Variants in LINGO1 observed in about 807,000 individuals in gnomAD.
The protein encoded by LINGO1 is leucine rich repeat and Ig domain containing 1.
LINGO1 carries 11 observed loss-of-function variants against 37.3 expected under a neutral mutation model. That is an observed-to-expected ratio of 0.29 (90% CI 0.19 to 0.49). LINGO1 has a LOEUF of 0.49. Among genes scored for constraint, LINGO1 ranks in the 20% least tolerant of loss-of-function variants. The probability of loss-of-function intolerance (pLI) is 0.99; values close to 1 mark genes in which losing one functional copy is unlikely to be tolerated. For missense variants in LINGO1, 585 were observed against 878.2 expected (o/e 0.67, Z 4.22); for synonymous variants, 387 against 403.0 (o/e 0.96, Z 0.48).
intron 1 of LINGO1, among the ~76,000 whole-genome samples, chr15:77,760,404 A>C (rs749325888): frequency 6.6e-6 from 1 of 152,214 alleles, no homozygotes; most frequent in Non-Finnish European, 1.5e-5. Context: ...TGAGCAGCAG[A>C]ATGTTTTGTT....
chr15:77,715,006 G>A (rs924462610), intron 2 of LINGO1, among the ~76,000 whole-genome samples: 1 of 152,190 alleles, frequency 6.6e-6, no homozygotes, highest in African/African-American at 2.4e-5. Context: ...AATACTCCAG[G>A]GCTGAGTGCT....
intron 1 of LINGO1, among the ~76,000 whole-genome samples, chr15:77,693,791 A>G (rs2075645019): frequency 6.6e-6 from 1 of 152,058 alleles, no homozygotes; most frequent in Non-Finnish European, 1.5e-5. Flanking sequence ...GCTGGATGTG[A>G]GGGGGTGGAG....
At chr15:77,740,051 T>TA (rs2076244978) in intron 1 of LINGO1, among the ~76,000 whole-genome samples, 1 of 152,246 alleles carries the variant, frequency 6.6e-6, no homozygotes, top group African/African-American at 2.4e-5. Context: ...TCAGTGGCTG[T>TA]AAAGCCTGGT....
intron 3 of LINGO1, among the ~76,000 whole-genome samples, chr15:77,666,514 C>T (rs555694973): frequency 2.6e-5 from 4 of 152,144 alleles, no homozygotes; most frequent in Non-Finnish European, 5.9e-5. Flanking sequence ...GGGGAGCACA[C>T]AGGGGAAGAG....
chr15:77,759,827 C>T (rs919403580), intron 1 of LINGO1, among the ~76,000 whole-genome samples: 1 of 152,196 alleles, frequency 6.6e-6, no homozygotes, highest in Non-Finnish European at 1.5e-5. Context: ...ATAAAAGAGT[C>T]CCTGTGTTAT....
At chr15:77,752,987 G>C (rs1181472664) in intron 1 of LINGO1, among the ~76,000 whole-genome samples, 1 of 152,156 alleles carries the variant, frequency 6.6e-6, no homozygotes, top group Non-Finnish European at 1.5e-5. Flanking sequence ...CATCCTACAG[G>C]GACCTGCTCT....
At chr15:77,644,635 G>T (rs1398968280) in intron 3 of LINGO1, among the ~76,000 whole-genome samples, 2 of 152,212 alleles carry the variant, frequency 1.3e-5, no homozygotes, top group Non-Finnish European at 2.9e-5. Context: ...AAGCCCAGGG[G>T]CAGGCTGAGC....
chr15:77,738,806 AGG>A (rs1364223949), intron 1 of LINGO1, among the ~76,000 whole-genome samples: 1 of 151,988 alleles, frequency 6.6e-6, no homozygotes, highest in Non-Finnish European at 1.5e-5. Flanking sequence ...GAAGGAAGGA[AGG>A]AAGGAAAGAA....
At chr15:77,779,220 AAC>A (rs1414431331) in intron 1 of LINGO1, among the ~76,000 whole-genome samples, 1 of 151,902 alleles carries the variant, frequency 6.6e-6, no homozygotes, top group Non-Finnish European at 1.5e-5. Context: ...ATCACTACCT[AAC>A]ACAGTACATA....
At chr15:77,803,614 G>C (rs574963017) in intron 1 of LINGO1, among the ~76,000 whole-genome samples, 2 of 152,090 alleles carry the variant, frequency 1.3e-5, no homozygotes, top group African/African-American at 4.8e-5. Context: ...GGGTCATGGG[G>C]GTGGATCCCT....
At chr15:77,662,081 A>G (rs766646524) in intron 3 of LINGO1, among the ~76,000 whole-genome samples, 27 of 152,152 alleles carry the variant, frequency 1.8e-4, no homozygotes, top group Non-Finnish European at 3.1e-4. Context: ...ATAACTTATA[A>G]CTGGCTGACA....
At chr15:77,734,485 A>G (rs1458508825) in intron 2 of LINGO1, among the ~76,000 whole-genome samples, 2 of 148,740 alleles carry the variant, frequency 1.3e-5, no homozygotes, top group African/African-American at 5.1e-5. Flanking sequence ...ACACAGCAAT[A>G]GTGTCTGAAA....
At chr15:77,737,885 G>A (rs2076219062) in intron 1 of LINGO1, among the ~76,000 whole-genome samples, 1 of 151,644 alleles carries the variant, frequency 6.6e-6, no homozygotes, top group African/African-American at 2.4e-5. Context: ...ATCCCATCCT[G>A]TCTGCACACT....
intron 1 of LINGO1, among the ~76,000 whole-genome samples, chr15:77,799,323 G>GGGAA (rs1294792709): frequency 6.6e-6 from 1 of 152,204 alleles, no homozygotes; most frequent in East Asian, 1.9e-4. Flanking sequence ...CAGGAGCCCA[G>GGGAA]GGAAGGGTCC....
chr15:77,729,282 G>A (rs2076132330), intron 2 of LINGO1, among the ~76,000 whole-genome samples: 1 of 152,250 alleles, frequency 6.6e-6, no homozygotes, highest in Non-Finnish European at 1.5e-5. Flanking sequence ...GCTAGGCTCA[G>A]GATTAGAGAT....
At chr15:77,630,382 C>A (rs2074219193) in intron 1 of LINGO1, among the ~76,000 whole-genome samples, 1 of 152,200 alleles carries the variant, frequency 6.6e-6, no homozygotes, top group Admixed American at 6.5e-5. Flanking sequence ...CACCAGGGAT[C>A]CCGTCTAGCC....
chr15:77,679,976 T>C (rs1285963747), intron 2 of LINGO1, among the ~76,000 whole-genome samples: 3 of 152,254 alleles, frequency 2.0e-5, no homozygotes, highest in African/African-American at 7.2e-5. Context: ...GCTCACTGAA[T>C]GTCAGCACAT....
At chr15:77,694,639 C>G (rs755049205) in intron 1 of LINGO1, among the ~76,000 whole-genome samples, 26 of 152,304 alleles carry the variant, frequency 1.7e-4, no homozygotes, top group Non-Finnish European at 2.9e-4. Context: ...TTACACAGGC[C>G]CTGATCCTCC....
intron 3 of LINGO1, among the ~76,000 whole-genome samples, chr15:77,645,728 G>A (rs1044149510): frequency 2.0e-5 from 3 of 152,220 alleles, no homozygotes; most frequent in Non-Finnish European, 4.4e-5. Flanking sequence ...CTCCAGACCC[G>A]CTTTAGAAGA....
Sources: allele counts gnomAD v4.1 joint callset (sites outside exome capture counted in the v4.1 genomes callset), GRCh38; gene constraint gnomAD v4.1.1; transcripts MANE v1.5; gene names NCBI Gene and HGNC (gene_info 2026-07-23, HGNC 2026-07-21).